Variants in ADCY1 observed in about 807,000 individuals in gnomAD.
The protein encoded by ADCY1 is adenylate cyclase type 1.
ADCY1 carries 28 observed loss-of-function variants against 105.4 expected under a neutral mutation model. The observed-to-expected ratio is 0.27, with a 90% CI of 0.20 to 0.36. ADCY1 has a LOEUF of 0.36. ADCY1 is among the 10% of genes least tolerant of loss of function. The pLI is 1.00. For missense variants in ADCY1, 977 were observed against 1,434.2 expected (o/e 0.68, Z 5.15); for synonymous variants, 655 against 623.8 (o/e 1.05, Z -0.75).
intron 2 of ADCY1, among the ~76,000 whole-genome samples, chr7:45,600,137 G>T (rs1793189308): frequency 6.6e-6 from 1 of 152,254 alleles, no homozygotes; most frequent in South Asian, 2.1e-4. Context: ...GTGCTGGTGA[G>T]GACATGCGAT....
In ADCY1 at chr7:45,703,626, G is replaced by T. The variant is rs762746539; in HGVS notation, c.2598G>T (p.Gln866His). 6.2e-7 allele frequency: 1 copy of T among 1,613,094 alleles called. No individual in the cohort carries two copies. Among genetic ancestry groups the T allele is most frequent in the East Asian group, 2.2e-5 (1 of 44,852 alleles). Residue 866 changes from glutamine to histidine, a missense_variant, in exon 16 of 20, where the codon CAG (glutamine) becomes CAT (histidine). Transcript: ENST00000297323. This position sits in a 1 kb window ranked among gnomAD's most constrained non-coding sequence, Gnocchi z 5.9. ...ACCTCTACTACCAGTCCTACTCCCA[G>T]GTGGGCGTCATGTTTGCCTCCATCC... is the stretch of plus-strand genomic sequence containing the variant. ...NMDLYYQSYSQVGVMFASIPN... is the reference protein window; with the variant it reads ...NMDLYYQSYSHVGVMFASIPN...
rs1315204978 is a variant in ADCY1, at chr7:45,713,996, T to C, written c.*1T>C. 1.3e-6 allele frequency: 1 copy of C among 773,698 alleles called. No individual in the cohort carries two copies. Among genetic ancestry groups the C allele is most frequent in the Non-Finnish European group, 2.4e-6 (1 of 413,544 alleles). 47.9% of individuals were successfully genotyped at this position (773,698 alleles called of 1,614,324 possible). A position where few individuals can be genotyped will look rare whatever the true frequency, so the allele number is the denominator to read the frequency against. On this transcript the variant is annotated 3_prime_UTR_variant, in exon 20 of 20. Transcript: ENST00000297323. ...TGCAGCAGCTGGGAAGGAGGCTTAG[T>C]GGAGCCCACGTGGGCCTCTGGGGTG...
intron 2 of ADCY1, among the ~76,000 whole-genome samples, chr7:45,608,111 T>A (rs913559442): frequency 6.6e-6 from 1 of 152,206 alleles, no homozygotes; most frequent in Non-Finnish European, 1.5e-5. Flanking sequence ...CCAGCATCTG[T>A]TGTTTTTTGA....
chr7:45,583,139 C>T (rs552881284), intron 1 of ADCY1, among the ~76,000 whole-genome samples: 15 of 152,280 alleles, frequency 9.9e-5, no homozygotes, highest in Admixed American at 7.2e-4. Flanking sequence ...CACACATGTG[C>T]GTGTGGATAC....
At chr7:45,669,017 CTCTTT>C (rs1359209826) in intron 8 of ADCY1, among the ~76,000 whole-genome samples, 3 of 152,196 alleles carry the variant, frequency 2.0e-5, no homozygotes, top group South Asian at 4.1e-4. Flanking sequence ...TGATTCTTCT[CTCTTT>C]TCTTCTTTAT....
intron 14 of ADCY1, among the ~76,000 whole-genome samples, chr7:45,702,652 G>A (rs1785020345): frequency 6.6e-6 from 1 of 152,248 alleles, no homozygotes; most frequent in Admixed American, 6.5e-5. Context: ...CCTCACAGTG[G>A]TCTGTGAATG....
intron 5 of ADCY1, among the ~76,000 whole-genome samples, chr7:45,656,813 C>T (rs1794956480): frequency 6.6e-6 from 1 of 152,196 alleles, no homozygotes; most frequent in African/African-American, 2.4e-5. Context: ...CCTGATGGCC[C>T]ACCCCTTAGT....
In ADCY1 at chr7:45,686,407, C is replaced by G. The variant is rs112847132; in HGVS notation, c.2328-140C>G. 1,603 of 1,427,526 alleles carry G rather than the reference C, an allele frequency of 1.1e-3. 26 individuals are homozygous for G. In the African/African-American group the frequency reaches 0.019, roughly 17 times the overall value. 88.4% of individuals were successfully genotyped at this position (1,427,526 alleles called of 1,614,324 possible). A position where few individuals can be genotyped will look rare whatever the true frequency, so the allele number is the denominator to read the frequency against. ...TCAGATTTCCCTATGATAAGTGATT[C>G]TTGGCCAAGGTCAATCCCAGCAAGC... On this transcript the variant is annotated intron_variant, in intron 13 of 19. Coordinates refer to ENST00000297323, the MANE Select transcript of ADCY1 (RefSeq NM_021116.4). This position sits in a 1 kb window ranked among gnomAD's most constrained non-coding sequence, Gnocchi z 4.3.
intron 1 of ADCY1, among the ~76,000 whole-genome samples, chr7:45,585,735 C>T (rs1315871441): frequency 6.6e-6 from 1 of 152,186 alleles, no homozygotes; most frequent in Non-Finnish European, 1.5e-5. Flanking sequence ...GTGTGAGCCA[C>T]CACACCTGGC....
In ADCY1 at chr7:45,714,723, C is replaced by T. The variant is rs552984978; in HGVS notation, c.*728C>T. The T allele has an allele frequency of 6.5e-6, 1 of 152,790 alleles. No homozygotes were observed. Among genetic ancestry groups the T allele is most frequent in the East Asian group, 1.9e-4 (1 of 5,192 alleles). The allele number at this position is 152,790 out of a possible 1,614,324, so 9.5% of individuals were successfully genotyped here. A position where few individuals can be genotyped will look rare whatever the true frequency, so the allele number is the denominator to read the frequency against. On this transcript the variant is annotated 3_prime_UTR_variant, in exon 20 of 20. Coordinates refer to ENST00000297323, the MANE Select transcript of ADCY1 (RefSeq NM_021116.4). ...GTTCTCAGGGGGGCCCTGTGACCCC[C>T]TCTCCACAACCATGGCCAGCATCGG...
Position 45,574,518 on chromosome 7 carries a change from G to T in ADCY1, c.-26G>T. ...CCGGGCCGGCGAGGGGCGCGCCCGC[G>T]GCCGCGGCCGCTGCATGGCGCTGAG... is the stretch of plus-strand genomic sequence containing the variant. On this transcript the variant is annotated 5_prime_UTR_variant, in exon 1 of 20. Transcript: ENST00000297323. This position sits in a 1 kb window ranked among gnomAD's most constrained non-coding sequence, Gnocchi z 7.0. 2 of 975,300 alleles carry T rather than the reference G, an allele frequency of 2.1e-6. No homozygotes were observed. Among genetic ancestry groups the T allele is most frequent in the Non-Finnish European group, 2.4e-6 (2 of 825,374 alleles). 60.4% of individuals were successfully genotyped at this position (975,300 alleles called of 1,614,324 possible).
chr7:45,678,564 T>C (rs1784504241), intron 10 of ADCY1, among the ~76,000 whole-genome samples: 1 of 152,140 alleles, frequency 6.6e-6, no homozygotes, highest in South Asian at 2.1e-4. Flanking sequence ...TTTTCATCCA[T>C]GCAACATGCA....
rs550280881 is a variant in ADCY1 at position 45,723,051 on chromosome 7, GTGTT to G, written c.*9059_*9062del. On this transcript the variant is annotated 3_prime_UTR_variant, in exon 20 of 20. Coordinates refer to ENST00000297323, the MANE Select transcript of ADCY1 (RefSeq NM_021116.4). Reference sequence around the variant, plus strand: ...TTCTTAATTGCAACTTTTCTACTGAGTGTTTGCACTATACTTTCTGGAATCTTAT... The same window carrying G: ...TTCTTAATTGCAACTTTTCTACTGAGTGCACTATACTTTCTGGAATCTTAT... 5 of 152,470 alleles carry G rather than the reference GTGTT, an allele frequency of 3.3e-5. No homozygotes were observed. Among genetic ancestry groups the G allele is most frequent in the Admixed American group, 6.6e-5 (1 of 15,264 alleles). The allele number at this position is 152,470 out of a possible 1,614,324, so 9.4% of individuals were successfully genotyped here. A position where few individuals can be genotyped will look rare whatever the true frequency, so the allele number is the denominator to read the frequency against.
chr7:45,592,704 T>C, intron 1 of ADCY1, 55 bp from the exon 2 acceptor site: 1 of 1,610,660 alleles, frequency 6.2e-7, no homozygotes, highest in Non-Finnish European at 8.5e-7. Flanking sequence ...GCCTAGGCCC[T>C]CTTTGTGTGT....
chr7:45,696,117 A>T (rs1584338283), intron 14 of ADCY1, among the ~76,000 whole-genome samples: 1 of 152,064 alleles, frequency 6.6e-6, no homozygotes, highest in Non-Finnish European at 1.5e-5. Flanking sequence ...GCTGCTTTGC[A>T]TTTTTTTCTG....
intron 2 of ADCY1, among the ~76,000 whole-genome samples, chr7:45,602,305 G>A (rs1562682662): frequency 1.3e-5 from 2 of 151,918 alleles, no homozygotes; most frequent in South Asian, 2.1e-4. Context: ...TGTGCCTGTC[G>A]CAGCTGGAGA....
Position 45,622,677 on chromosome 7 carries a change from G to C in ADCY1, c.954G>C (p.Gln318His), listed in dbSNP as rs768147818. The change falls in exon 4 of 20, where the codon CAG becomes CAC. Residue 318 changes from glutamine (Q) to histidine (H), a missense_variant. Around this residue, in one of 7 missense-constraint regions of ADCY1, gnomAD observed 196 missense variants for 347.8 expected, o/e 0.56. Transcript: ENST00000297323. Reference sequence around the variant, plus strand: ...TGGGTTTCACGGGCTTGGCATCCCAGTGCACAGCCCAGGAGCTGGTGAAAC... The same window carrying C: ...TGGGTTTCACGGGCTTGGCATCCCACTGCACAGCCCAGGAGCTGGTGAAAC... Reference protein sequence around the residue: ...DIVGFTGLASQCTAQELVKLL... With the variant: ...DIVGFTGLASHCTAQELVKLL... The C allele has an allele frequency of 6.2e-7, 1 of 1,614,162 alleles. No homozygotes were observed. The highest frequency in any genetic ancestry group is 8.5e-7 in the Non-Finnish European group (1 of 1,180,028).
chr7:45,580,747 C>G (rs1433355820), intron 1 of ADCY1, among the ~76,000 whole-genome samples: 1 of 152,172 alleles, frequency 6.6e-6, no homozygotes, highest in Non-Finnish European at 1.5e-5. Context: ...TGTGGACTTG[C>G]CCTTTCTCCC....
intron 8 of ADCY1, among the ~76,000 whole-genome samples, chr7:45,671,542 T>C (rs887518599): frequency 6.6e-6 from 1 of 152,200 alleles, no homozygotes; most frequent in Admixed American, 6.5e-5. Flanking sequence ...CCCCAGTGTA[T>C]GAAGGATCCA....
Sources: gnomAD v4.1 joint callset for allele counts (sites outside exome capture counted in the v4.1 genomes callset) on GRCh38, gnomAD v4.1.1 for gene constraint, gnomAD v4.1.1 regional missense constraint, Gnocchi (gnomAD v3.1) non-coding constraint, MANE v1.5 for transcripts, NCBI Gene and HGNC (gene_info 2026-07-23, HGNC 2026-07-21) for gene names.